Variants in OPRM1 observed in about 807,000 individuals in gnomAD.
The protein encoded by OPRM1 is opioid receptor mu 1, also known as mu-type opioid receptor.
Under a neutral mutation model 31.8 loss-of-function variants are expected in OPRM1, and 27 were observed. The ratio of observed to expected loss-of-function variants is 0.85; its 90% confidence interval spans 0.63 to 1.17. The LOEUF (loss-of-function observed/expected upper bound fraction) is 1.17, where lower values mean the gene tolerates loss of function less well. OPRM1 is among the 50% of genes most tolerant of loss of function. The pLI, the probability that OPRM1 is intolerant of heterozygous loss-of-function variation, is 0.00. For synonymous variants in OPRM1, 196 were observed against 189.9 expected (o/e 1.03, Z -0.26); for missense variants, 536 against 511.1 (o/e 1.05, Z -0.47).
chr6:154,226,902 A>G (rs535078994), intron 3 of OPRM1, among the ~76,000 whole-genome samples: 2 of 152,278 alleles, frequency 1.3e-5, no homozygotes, highest in South Asian at 4.2e-4. Context: ...AACAAAGAAA[A>G]AACAATACTT....
intron 1 of OPRM1, among the ~76,000 whole-genome samples, chr6:154,078,271 C>A (rs1788312398): frequency 6.6e-6 from 1 of 152,224 alleles, no homozygotes; most frequent in Non-Finnish European, 1.5e-5. Flanking sequence ...CATATTCCAA[C>A]TGCCTATTTA....
chr6:154,049,176 A>G (rs1392167195), intron 1 of OPRM1, among the ~76,000 whole-genome samples: 1 of 152,208 alleles, frequency 6.6e-6, no homozygotes, highest in Admixed American at 6.5e-5. Context: ...CTGTAACACA[A>G]GTACTTTCCT....
At chr6:154,219,120 G>A (rs1330331579) in intron 3 of OPRM1, 2 of 152,182 alleles carry the variant, frequency 1.3e-5, no homozygotes, top group Admixed American at 6.6e-5. Flanking sequence ...TAAACACTGG[G>A]GCGGTGAGGA....
chr6:154,098,026 T>C (rs114998999), intron 3 of OPRM1, among the ~76,000 whole-genome samples: 2,450 of 152,264 alleles, frequency 0.016, 60 homozygotes, highest in African/African-American at 0.057. Context: ...GGCCAGGTGT[T>C]CGAGACCAAC....
At chr6:154,104,800 A>C (rs1344389206) in intron 3 of OPRM1, among the ~76,000 whole-genome samples, 1 of 152,196 alleles carries the variant, frequency 6.6e-6, no homozygotes, top group Non-Finnish European at 1.5e-5. Flanking sequence ...ATGCTGTTCC[A>C]CAGAAGGAAT....
chr6:154,208,133 C>T (rs1372220249), intron 3 of OPRM1, among the ~76,000 whole-genome samples: 1 of 152,178 alleles, frequency 6.6e-6, no homozygotes, highest in Non-Finnish European at 1.5e-5. Flanking sequence ...CTGCTCAAAC[C>T]TTTCAAAGGC....
intron 3 of OPRM1, among the ~76,000 whole-genome samples, chr6:154,152,452 C>T (rs1798564581): frequency 6.6e-6 from 1 of 151,918 alleles, no homozygotes; most frequent in South Asian, 2.1e-4. Flanking sequence ...TGTATTTATC[C>T]ATGCATTTCA....
At chr6:154,194,867 C>T (rs1776457662) in intron 3 of OPRM1, among the ~76,000 whole-genome samples, 1 of 152,040 alleles carries the variant, frequency 6.6e-6, no homozygotes, top group African/African-American at 2.4e-5. Flanking sequence ...GCCATTGATG[C>T]CAATGATCAT....
chr6:154,088,274 G>C (rs983491118), intron 1 of OPRM1, among the ~76,000 whole-genome samples: 4 of 152,120 alleles, frequency 2.6e-5, no homozygotes, highest in African/African-American at 9.7e-5. Flanking sequence ...TAATCTATAA[G>C]AACAGAAAGC....
At chr6:154,159,560 C>T (rs1174423254) in intron 3 of OPRM1, 1 of 466,376 alleles carries the variant, frequency 2.1e-6, no homozygotes, top group African/African-American at 2.0e-5. Flanking sequence ...CCCCTAGAGC[C>T]CCACATCACC....
intron 3 of OPRM1, among the ~76,000 whole-genome samples, chr6:154,103,572 A>T (rs957796197): frequency 1.3e-5 from 2 of 152,082 alleles, no homozygotes; most frequent in African/African-American, 4.8e-5. Flanking sequence ...TTTTTTTCAA[A>T]GTGAAAGCAA....
intron 3 of OPRM1, chr6:154,110,237 T>G: frequency 1.8e-6 from 1 of 570,964 alleles, no homozygotes; most frequent in Non-Finnish European, 3.1e-6. Flanking sequence ...CTGGTGATAT[T>G]ACAAGAAAAA....
At chr6:154,100,846 G>A (rs1794728967) in intron 3 of OPRM1, among the ~76,000 whole-genome samples, 1 of 148,388 alleles carries the variant, frequency 6.7e-6, no homozygotes, top group African/African-American at 2.5e-5. Flanking sequence ...TATTTATAAA[G>A]GTTAAAAAAT....
At chr6:154,085,750 C>A (rs935707869) in intron 1 of OPRM1, among the ~76,000 whole-genome samples, 1 of 152,184 alleles carries the variant, frequency 6.6e-6, no homozygotes, top group African/African-American at 2.4e-5. Flanking sequence ...ATTCTTCCTG[C>A]AGGTCATTTC....
At chr6:154,024,633 T>G (rs974464062) in intron 1 of OPRM1, among the ~76,000 whole-genome samples, 5 of 151,572 alleles carry the variant, frequency 3.3e-5, no homozygotes, top group African/African-American at 1.2e-4. Context: ...TGCATTATTA[T>G]GTTGCTTATT....
At chr6:154,152,338 AGAAAGAAAG>A (rs748030140) in intron 3 of OPRM1, among the ~76,000 whole-genome samples, 1,008 of 19,018 alleles carry the variant, frequency 0.053, 7 homozygotes, top group Middle Eastern at 0.059. Context: ...AAAGAAAGAA[AGAAAGAAAG>A]GAAAGAAAGA....
chr6:154,246,650 A>G, intron 3 of OPRM1: 3 of 1,614,030 alleles, frequency 1.9e-6, no homozygotes, highest in Non-Finnish European at 2.5e-6. Flanking sequence ...AACTTTTTCC[A>G]TTTGTTGCTT....
At position 154,122,183 on chromosome 6, in the gene OPRM1, T is replaced by C. The variant is rs1387846616; in HGVS notation, c.*3462T>C. Among the ~76,000 whole-genome samples the C allele has an allele frequency of 6.6e-6, 1 of 152,190 alleles. No individual in the cohort carries two copies. Among genetic ancestry groups the C allele is most frequent in the Non-Finnish European group, 1.5e-5 (1 of 68,022 alleles). ...CACACAAGTTGTGTTTGTACAATTC[T>C]TGAGGTCAATCAGAACCAAAAAATC... On this transcript the variant is annotated 3_prime_UTR_variant, in exon 4 of 4. Coordinates refer to ENST00000330432, the MANE Select transcript of OPRM1 (RefSeq NM_000914.5).
At chr6:154,075,332 C>T (rs1787632412) in intron 1 of OPRM1, among the ~76,000 whole-genome samples, 1 of 151,676 alleles carries the variant, frequency 6.6e-6, no homozygotes, top group Non-Finnish European at 1.5e-5. Context: ...ATACGGTGAG[C>T]AATAGGAATG....
Sources: gnomAD v4.1 joint callset for allele counts (sites outside exome capture counted in the v4.1 genomes callset) on GRCh38, gnomAD v4.1.1 for gene constraint, MANE v1.5 for transcripts, NCBI Gene and HGNC (gene_info 2026-07-23, HGNC 2026-07-21) for gene names.